Variants in TMTC1 observed in about 807,000 individuals in gnomAD.
The protein encoded by TMTC1 is transmembrane O-mannosyltransferase targeting cadherins 1.
In TMTC1, 73 loss-of-function variants were observed where a neutral mutation model predicts 104.8. The ratio of observed to expected loss-of-function variants is 0.70; its 90% CI spans 0.58 to 0.85. The LOEUF is 0.85. Among genes scored for constraint, TMTC1 ranks in the 40% least tolerant of loss-of-function variants. The pLI, the probability that TMTC1 is intolerant of heterozygous loss-of-function variation, is 0.00. For synonymous variants in TMTC1, 434 were observed against 428.7 expected, an observed-to-expected ratio of 1.01 and a Z score of -0.15; for missense variants, 1,035 against 1,096.1, an observed-to-expected ratio of 0.94 and a Z score of 0.79.
At chr12:29,637,952 C>T (rs1413656879) in intron 5 of TMTC1, among the ~76,000 whole-genome samples, 1 of 152,186 alleles carries the variant, frequency 6.6e-6, no homozygotes, top group Non-Finnish European at 1.5e-5. Context: ...GTCCACTGTA[C>T]ACACTCACCT....
chr12:29,726,858 G>A (rs1942405394), intron 5 of TMTC1, among the ~76,000 whole-genome samples: 2 of 151,804 alleles, frequency 1.3e-5, no homozygotes, highest in African/African-American at 4.8e-5. Context: ...AAACATAAAA[G>A]ATTATCCCTT....
At chr12:29,578,064 G>A (rs890116753) in intron 8 of TMTC1, among the ~76,000 whole-genome samples, 1 of 151,972 alleles carries the variant, frequency 6.6e-6, no homozygotes, top group African/African-American at 2.4e-5. Context: ...TTTTCTCTGT[G>A]TGATTAGCAC....
chr12:29,757,403 A>T (rs1403421238), intron 3 of TMTC1, among the ~76,000 whole-genome samples: 1 of 152,188 alleles, frequency 6.6e-6, no homozygotes, highest in African/African-American at 2.4e-5. Context: ...CAGTTGTGAC[A>T]ACCAAAAACG....
intron 6 of TMTC1, among the ~76,000 whole-genome samples, chr12:29,620,843 A>G (rs2136459467): frequency 6.6e-6 from 1 of 152,326 alleles, no homozygotes; most frequent in South Asian, 2.1e-4. Context: ...GAGAGCAGGG[A>G]GAAGAGGCTG....
chr12:29,538,923 G>A (rs974053807), intron 10 of TMTC1, among the ~76,000 whole-genome samples: 1 of 152,112 alleles, frequency 6.6e-6, no homozygotes, highest in Non-Finnish European at 1.5e-5. Context: ...CTTTTGCTTG[G>A]GAGCCGCTGA....
intron 10 of TMTC1, among the ~76,000 whole-genome samples, chr12:29,540,952 G>A (rs1027334166): frequency 8.6e-5 from 13 of 151,768 alleles, no homozygotes; most frequent in East Asian, 1.9e-4. Context: ...CCGAGATCAC[G>A]CCACTGCACT....
intron 6 of TMTC1, among the ~76,000 whole-genome samples, chr12:29,611,124 T>C (rs775433030): frequency 6.6e-6 from 1 of 151,972 alleles, no homozygotes; most frequent in Non-Finnish European, 1.5e-5. Flanking sequence ...CCGATTAAAA[T>C]CAGAGGATTT....
chr12:29,764,978 T>C (rs775237919), intron 2 of TMTC1, among the ~76,000 whole-genome samples: 16 of 152,236 alleles, frequency 1.1e-4, no homozygotes, highest in Non-Finnish European at 1.5e-4. Context: ...TACTCATTTG[T>C]TCTTTCACGC....
intron 1 of TMTC1, among the ~76,000 whole-genome samples, chr12:29,781,956 T>G (rs1388210620): frequency 6.6e-6 from 1 of 152,228 alleles, no homozygotes; most frequent in Non-Finnish European, 1.5e-5. Flanking sequence ...CCTTTTTAAT[T>G]GAAAAATACT....
intron 2 of TMTC1, among the ~76,000 whole-genome samples, chr12:29,763,762 G>A (rs1943404215): frequency 6.6e-6 from 1 of 152,222 alleles, no homozygotes; most frequent in Non-Finnish European, 1.5e-5. Flanking sequence ...GCGAGAGGAA[G>A]CTCAAGGTGA....
chr12:29,730,797 G>C (rs931059472), intron 5 of TMTC1, among the ~76,000 whole-genome samples: 1 of 152,292 alleles, frequency 6.6e-6, no homozygotes, highest in South Asian at 2.1e-4. Flanking sequence ...AATTCAGCTA[G>C]GGTATAAAAC....
chr12:29,647,467 G>A (rs182290654), intron 5 of TMTC1, among the ~76,000 whole-genome samples: 15 of 152,218 alleles, frequency 9.9e-5, no homozygotes, highest in Non-Finnish European at 1.0e-4. Flanking sequence ...TTCAATGTTC[G>A]GAGGTTATTA....
intron 10 of TMTC1, among the ~76,000 whole-genome samples, chr12:29,546,916 C>G (rs1944957968): frequency 6.6e-6 from 1 of 151,932 alleles, no homozygotes; most frequent in Non-Finnish European, 1.5e-5. Flanking sequence ...AAAAAAATTC[C>G]TCTTTCACCT....
At chr12:29,633,920 G>T (rs892483465) in intron 5 of TMTC1, among the ~76,000 whole-genome samples, 19 of 152,240 alleles carry the variant, frequency 1.2e-4, no homozygotes, top group African/African-American at 3.6e-4. Context: ...AAAGTGGAAG[G>T]CATTCTAGTT....
rs183034291 is a variant in TMTC1 at position 29,637,496 on chromosome 12, C to A, written c.939-4160G>T. Among the ~76,000 whole-genome samples the A allele has an allele frequency of 5.7e-4, 87 of 152,220 alleles. 1 individual carries two copies. Among genetic ancestry groups the A allele is most frequent in the African/African-American group, 2.0e-3 (84 of 41,530 alleles). On this transcript the variant is annotated intron_variant, in intron 5 of 17. Coordinates refer to ENST00000539277, the MANE Select transcript of TMTC1 (RefSeq NM_001193451.2). The stretch of plus-strand genomic sequence containing the variant: ...CAGAAAGCCAGGAATTCAGCTTAAA[C>A]AATTTAGTCATGCATTTTCATTGAT...
intron 5 of TMTC1, among the ~76,000 whole-genome samples, chr12:29,654,135 T>C (rs1327181476): frequency 1.3e-5 from 2 of 151,924 alleles, no homozygotes; most frequent in Non-Finnish European, 2.9e-5. Context: ...AAGGACATCA[T>C]CAAGTAAGTG....
At chr12:29,572,711 A>G (rs1469594960) in intron 8 of TMTC1, among the ~76,000 whole-genome samples, 1 of 152,188 alleles carries the variant, frequency 6.6e-6, no homozygotes, top group Non-Finnish European at 1.5e-5. Context: ...CTGCACAGAT[A>G]GGCCCTGCCG....
chr12:29,618,856 C>T (rs12811228), intron 6 of TMTC1, among the ~76,000 whole-genome samples: 17,357 of 152,082 alleles, frequency 0.11, 1,075 homozygotes, highest in Middle Eastern at 0.21. Context: ...AAGGACAGAA[C>T]GGTTCTAGAT....
intron 5 of TMTC1, among the ~76,000 whole-genome samples, chr12:29,743,354 G>T (rs181009008): frequency 3.0e-4 from 46 of 152,216 alleles, no homozygotes; most frequent in Admixed American, 1.2e-3. Context: ...ATGGTTCCTG[G>T]CCATTGGGAA....
Sources: gnomAD v4.1 joint callset for allele counts (sites outside exome capture counted in the v4.1 genomes callset) on GRCh38, gnomAD v4.1.1 for gene constraint, MANE v1.5 for transcripts, NCBI Gene and HGNC (gene_info 2026-07-23, HGNC 2026-07-21) for gene names.